LRRC37A2: variants seen among roughly 807,000 people sequenced by gnomAD.
The protein encoded by LRRC37A2 is leucine rich repeat containing 37 member A2, also known as leucine-rich repeat-containing protein 37A2.
A neutral mutation model predicts 68.8 loss-of-function variants in LRRC37A2; 9 were observed. That is an observed-to-expected ratio of 0.13 (90% CI 0.08 to 0.23). The LOEUF is 0.23. Ranked by LOEUF, LRRC37A2 falls within the 10% of genes least tolerant of loss-of-function variation. LRRC37A2 has a pLI of 1.00. For missense variants in LRRC37A2, 168 were observed against 950.4 expected, an observed-to-expected ratio of 0.18 and a Z score of 10.82; for synonymous variants, 63 against 367.6, an observed-to-expected ratio of 0.17 and a Z score of 9.48.
the LRRC37A2 span, chr17:46,929,435 G>A: frequency 2.8e-5 from 22 of 778,652 alleles, no homozygotes; most frequent in South Asian, 4.1e-5. Context: ...TCAGTTACAT[G>A]TTGGCATCAG....
chr17:46,717,772 G>C, the LRRC37A2 span, among the ~76,000 whole-genome samples: 1 of 152,120 alleles, frequency 6.6e-6, no homozygotes, highest in African/African-American at 2.4e-5. Context: ...GGCGGTGGCA[G>C]GGAAAGAGTT....
At chr17:46,377,615 G>T in the LRRC37A2 span, among the ~76,000 whole-genome samples, 4 of 59,686 alleles carry the variant, frequency 6.7e-5, no homozygotes, top group South Asian at 1.4e-3. Flanking sequence ...CGTCACCCAG[G>T]CTGGAGTGCA....
chr17:46,917,094 C>G, the LRRC37A2 span: 1 of 152,180 alleles, frequency 6.6e-6, no homozygotes, highest in Non-Finnish European at 1.5e-5. Context: ...CCCCTGCCCC[C>G]CAGCCAAATT....
chr17:46,940,104 G>A, the LRRC37A2 span: 8 of 1,167,674 alleles, frequency 6.9e-6, no homozygotes, highest in Non-Finnish European at 8.5e-6. Context: ...CTTCCTTTCT[G>A]TGTTCCTCTT....
the LRRC37A2 span, among the ~76,000 whole-genome samples, chr17:47,035,451 G>A: frequency 2.0e-5 from 3 of 151,966 alleles, no homozygotes; most frequent in Admixed American, 6.5e-5. Context: ...TTCTTTTCAC[G>A]AAGCATGTTG....
chr17:46,804,005 C>A, the LRRC37A2 span, among the ~76,000 whole-genome samples: 1 of 152,140 alleles, frequency 6.6e-6, no homozygotes, highest in African/African-American at 2.4e-5. Context: ...AAACTCAGGG[C>A]AAGCTCCATC....
chr17:46,630,246 G>A, the LRRC37A2 span, among the ~76,000 whole-genome samples: 1 of 36,706 alleles, frequency 2.7e-5, no homozygotes, highest in East Asian at 7.4e-4. Flanking sequence ...AGGTGTTGGG[G>A]GCTAAGACTT....
the LRRC37A2 span, among the ~76,000 whole-genome samples, chr17:46,839,922 T>TTC: frequency 1.9e-5 from 2 of 103,308 alleles, no homozygotes; most frequent in East Asian, 5.3e-4. Context: ...TTTTCTTTCT[T>TTC]TCTTTCTTTC....
At chr17:46,772,819 T>C in the LRRC37A2 span, among the ~76,000 whole-genome samples, 3 of 149,540 alleles carry the variant, frequency 2.0e-5, no homozygotes, top group Non-Finnish European at 4.4e-5. Context: ...ATCCCTTTTC[T>C]TTCTGGCTGT....
chr17:46,793,328 G>T, the LRRC37A2 span, among the ~76,000 whole-genome samples: 1 of 149,164 alleles, frequency 6.7e-6, no homozygotes, highest in Non-Finnish European at 1.5e-5. Flanking sequence ...CCAGGACAGG[G>T]TTTATAGAGA....
the LRRC37A2 span, among the ~76,000 whole-genome samples, chr17:47,035,341 G>A: frequency 4.6e-5 from 7 of 152,166 alleles, no homozygotes; most frequent in Admixed American, 4.6e-4. Context: ...CTTCCCTCAG[G>A]CCCAGGTAAC....
chr17:46,840,648 T>C, the LRRC37A2 span, among the ~76,000 whole-genome samples: 17 of 152,328 alleles, frequency 1.1e-4, no homozygotes, highest in Middle Eastern at 6.8e-3. Context: ...TTTCTCCACA[T>C]CCTTTCCTGC....
At chr17:46,927,584 C>G in the LRRC37A2 span, among the ~76,000 whole-genome samples, 1 of 152,148 alleles carries the variant, frequency 6.6e-6, no homozygotes, top group Admixed American at 6.5e-5. Flanking sequence ...CTGAGGTGGC[C>G]TTTTTCTGTA....
the LRRC37A2 span, chr17:46,939,099 C>G: frequency 8.3e-6 from 10 of 1,210,200 alleles, no homozygotes; most frequent in East Asian, 3.2e-4. Context: ...CACAGTGAGC[C>G]CTGTGTGCAG....
the LRRC37A2 span, among the ~76,000 whole-genome samples, chr17:47,000,769 C>T: frequency 6.6e-6 from 1 of 152,254 alleles, no homozygotes; most frequent in Non-Finnish European, 1.5e-5. Context: ...CTTCCAAAGT[C>T]ACCTTGAGAA....
At chr17:46,967,836 G>A in the LRRC37A2 span, among the ~76,000 whole-genome samples, 76 of 152,210 alleles carry the variant, frequency 5.0e-4, no homozygotes, top group African/African-American at 1.7e-3. Context: ...GGGGGGTAGG[G>A]GGCCCAGAGA....
chr17:46,844,837 CTTCT>C, the LRRC37A2 span, among the ~76,000 whole-genome samples: 2 of 151,400 alleles, frequency 1.3e-5, no homozygotes, highest in African/African-American at 4.9e-5. Context: ...CTTCCTCTTT[CTTCT>C]TTCTTTCTTT....
At chr17:46,726,156 A>G in the LRRC37A2 span, among the ~76,000 whole-genome samples, 2 of 152,246 alleles carry the variant, frequency 1.3e-5, no homozygotes, top group Non-Finnish European at 2.9e-5. Flanking sequence ...TAACAGAGCC[A>G]CAATTCTTAT....
the LRRC37A2 span, among the ~76,000 whole-genome samples, chr17:46,847,180 C>A: frequency 6.6e-6 from 1 of 152,218 alleles, no homozygotes; most frequent in East Asian, 1.9e-4. Flanking sequence ...TCCTTCTCTG[C>A]CCCCTTTTTT....
Sources: gnomAD v4.1 joint callset for allele counts (sites outside exome capture counted in the v4.1 genomes callset) on GRCh38, gnomAD v4.1.1 for gene constraint, MANE v1.5 for transcripts, NCBI Gene and HGNC (gene_info 2026-07-23, HGNC 2026-07-21) for gene names.